SPDYA: variants seen among roughly 807,000 people sequenced by gnomAD.
The protein encoded by SPDYA is speedy/RINGO cell cycle regulator family member A, also known as speedy protein A.
SPDYA carries 11 observed loss-of-function variants against 36.7 expected under a neutral mutation model. The observed-to-expected ratio is 0.30, with a 90% CI of 0.19 to 0.50. The LOEUF is 0.50. Among genes scored for constraint, SPDYA ranks in the 20% least tolerant of loss-of-function variants. The probability of loss-of-function intolerance (pLI) is 0.98; values close to 1 mark genes in which losing one functional copy is unlikely to be tolerated. For missense variants in SPDYA, 287 were observed against 370.9 expected (o/e 0.77, Z 1.86); for synonymous variants, 115 against 118.7 (o/e 0.97, Z 0.20).
At chr2:28,828,650 T>C (rs534047715) in intron 5 of SPDYA, among the ~76,000 whole-genome samples, 22 of 152,372 alleles carry the variant, frequency 1.4e-4, no homozygotes, top group Non-Finnish European at 2.9e-4. Context: ...CTGAGTTTCA[T>C]ATGTGTATAA....
Position 28,816,165 on chromosome 2 carries a change from C to G in SPDYA, c.151C>G (p.His51Asp). The change falls in exon 3 of 8, where the codon CAT (histidine) becomes GAT (aspartate). Residue 51 changes from histidine to aspartate, a missense_variant. Physicochemically the swap from His to Asp is moderately conservative, Grantham distance 81. Transcript: ENST00000334056. ...DNWQAFEKNT[H>D]NNNKSKRPKG... Reference sequence around the variant, plus strand: ...TTGGCAAGCATTTGAAAAAAATACACATAATAACAACAAATCTAAACGCCC... The same window carrying G: ...TTGGCAAGCATTTGAAAAAAATACAGATAATAACAACAAATCTAAACGCCC... 1 of 1,613,982 alleles carries G rather than the reference C, an allele frequency of 6.2e-7. No individual in the cohort carries two copies. Among genetic ancestry groups the G allele is most frequent in the Non-Finnish European group, 8.5e-7 (1 of 1,179,954 alleles).
chr2:28,827,667 A>C (rs1164995439), intron 5 of SPDYA, among the ~76,000 whole-genome samples: 1 of 152,040 alleles, frequency 6.6e-6, no homozygotes, highest in Non-Finnish European at 1.5e-5. Context: ...AGTACTTTTA[A>C]GATTTACTCT....
At chr2:28,823,300 A>T (rs1668216471) in intron 5 of SPDYA, among the ~76,000 whole-genome samples, 1 of 152,304 alleles carries the variant, frequency 6.6e-6, no homozygotes, top group South Asian at 2.1e-4. Context: ...TCTATAGGTC[A>T]GAATACATTT....
chr2:28,846,078 C>T (rs1323047758), intron 7 of SPDYA, among the ~76,000 whole-genome samples: 1 of 151,918 alleles, frequency 6.6e-6, no homozygotes, highest in Admixed American at 6.6e-5. Flanking sequence ...CCTAAATTTC[C>T]CTCTAGAACA....
chr2:28,842,580 G>T (rs941191128), intron 7 of SPDYA, among the ~76,000 whole-genome samples: 2 of 152,106 alleles, frequency 1.3e-5, no homozygotes, highest in African/African-American at 4.8e-5. Flanking sequence ...TCCTTTCACT[G>T]GGTGAAAGCC....
intron 7 of SPDYA, among the ~76,000 whole-genome samples, chr2:28,841,747 CAGT>C (rs1438170619): frequency 1.3e-5 from 2 of 152,154 alleles, no homozygotes; most frequent in Non-Finnish European, 2.9e-5. Context: ...ATTTGCACGA[CAGT>C]ATAGTCTCTT....
intron 7 of SPDYA, 41 bp downstream of exon 7, chr2:28,840,510 T>C (rs929521532): frequency 6.2e-7 from 1 of 1,603,746 alleles, no homozygotes; most frequent in Non-Finnish European, 8.5e-7. Flanking sequence ...TTATGCATGT[T>C]GTTTACTGAG....
At chr2:28,841,325 G>C (rs1472449565) in intron 7 of SPDYA, among the ~76,000 whole-genome samples, 16 of 152,056 alleles carry the variant, frequency 1.1e-4, no homozygotes, top group Admixed American at 1.0e-3. Flanking sequence ...TTCAGCAATA[G>C]AGTATTAATT....
At position 28,822,310 on chromosome 2, in the gene SPDYA, C is replaced by CT; in HGVS notation, c.295-9dup. 7.4e-7 allele frequency: 1 copy of CT among 1,357,926 alleles called. No individual in the cohort carries two copies. Among genetic ancestry groups the CT allele is most frequent in the Non-Finnish European group, 1.0e-6 (1 of 996,992 alleles). 84.1% of individuals were successfully genotyped at this position (1,357,926 alleles called of 1,614,324 possible). A position where few individuals can be genotyped will look rare whatever the true frequency, so the allele number is the denominator to read the frequency against. ...GCAAAACATTAATATTAATTTTTAA[C>CT]TTTTTTCCTTATAGTATCTTTTGGC... On this transcript the variant is annotated splice_polypyrimidine_tract_variant and intron_variant, in intron 4 of 7. Transcript: ENST00000334056.
intron 7 of SPDYA, among the ~76,000 whole-genome samples, chr2:28,841,343 A>G (rs1474491582): frequency 6.6e-6 from 1 of 152,272 alleles, no homozygotes; most frequent in African/African-American, 2.4e-5. Context: ...ATTAGAAAAG[A>G]ACCTTATTAG....
chr2:28,833,906 T>G (rs1355872388), intron 6 of SPDYA, among the ~76,000 whole-genome samples: 1 of 152,068 alleles, frequency 6.6e-6, no homozygotes, highest in Non-Finnish European at 1.5e-5. Flanking sequence ...GGATACCAAG[T>G]GAAGAGATGA....
At chr2:28,819,481 T>C (rs1668078483) in intron 4 of SPDYA, among the ~76,000 whole-genome samples, 1 of 151,970 alleles carries the variant, frequency 6.6e-6, no homozygotes, top group South Asian at 2.1e-4. Context: ...GCATTCCAGC[T>C]TGGACAATAG....
At chr2:28,823,693 G>GA (rs1346070417) in intron 5 of SPDYA, among the ~76,000 whole-genome samples, 1 of 70,162 alleles carries the variant, frequency 1.4e-5, no homozygotes, top group Non-Finnish European at 2.8e-5. Flanking sequence ...CTGTAGTTGG[G>GA]AATGCATGAA....
chr2:28,824,545 C>T (rs13031922), intron 5 of SPDYA, among the ~76,000 whole-genome samples: 4 of 121,884 alleles, frequency 3.3e-5, no homozygotes, highest in South Asian at 2.5e-4. Context: ...TTTTTCTTTT[C>T]TTTCTTTCTT....
chr2:28,837,887 CCT>C (rs1201253575), intron 6 of SPDYA, among the ~76,000 whole-genome samples: 2 of 151,852 alleles, frequency 1.3e-5, no homozygotes, highest in Non-Finnish European at 2.9e-5. Context: ...TATTATACTA[CCT>C]CTTGAGATCA....
chr2:28,823,746 AAAT>A (rs1318933693), intron 5 of SPDYA, among the ~76,000 whole-genome samples: 1 of 30,720 alleles, frequency 3.3e-5, no homozygotes, highest in South Asian at 1.3e-3. Flanking sequence ...TATATATATA[AAAT>A]TTTTTTTTTT....
rs574967633 is a variant in SPDYA at position 28,822,842 on chromosome 2, G to A, written c.380+432G>A. The stretch of plus-strand genomic sequence containing the variant: ...AGGATGGTCTTGATCTCCTGACCTC[G>A]TGATCTGCCCGCCTCGGCCTTCCAA... On this transcript the variant is annotated intron_variant, in intron 5 of 7. Coordinates refer to ENST00000334056, the MANE Select transcript of SPDYA (RefSeq NM_182756.4). 1.4e-3 allele frequency among the ~76,000 whole-genome samples: 208 copies of A among 152,204 alleles called. 1 individual carries two copies. Among genetic ancestry groups the A allele is most frequent in the Non-Finnish European group, 2.4e-3 (162 of 68,008 alleles).
chr2:28,817,393 C>A (rs1668011080), intron 3 of SPDYA, among the ~76,000 whole-genome samples: 1 of 152,048 alleles, frequency 6.6e-6, no homozygotes, highest in South Asian at 2.1e-4. Context: ...GAAACCCTGT[C>A]TCTACTAAAA....
chr2:28,833,658 T>A (rs1668526148), intron 6 of SPDYA, among the ~76,000 whole-genome samples: 1 of 152,146 alleles, frequency 6.6e-6, no homozygotes, highest in Non-Finnish European at 1.5e-5. Flanking sequence ...GACAACTGGA[T>A]ATCTACAAGC....
Sources: gnomAD v4.1 joint callset for allele counts (sites outside exome capture counted in the v4.1 genomes callset) on GRCh38, gnomAD v4.1.1 for gene constraint, MANE v1.5 for transcripts, NCBI Gene and HGNC (gene_info 2026-07-23, HGNC 2026-07-21) for gene names.